Variants in CANX observed in about 807,000 individuals in gnomAD.
CANX encodes the protein epididymis secretory sperm binding protein.
CANX carries 14 observed loss-of-function variants against 75.7 expected under a neutral mutation model. That is an observed-to-expected ratio of 0.19 (90% CI 0.12 to 0.29). The LOEUF (loss-of-function observed/expected upper bound fraction) is 0.29, where lower values mean the gene tolerates loss of function less well. CANX is among the 10% of genes least tolerant of loss of function. The probability of loss-of-function intolerance (pLI) is 1.00; values close to 1 mark genes in which losing one functional copy is unlikely to be tolerated. For synonymous variants in CANX, 227 were observed against 236.9 expected, an observed-to-expected ratio of 0.96 and a Z score of 0.38; for missense variants, 567 against 713.2, an observed-to-expected ratio of 0.79 and a Z score of 2.34.
intron 4 of CANX, among the ~76,000 whole-genome samples, chr5:179,707,583 CAAAAAAAAAA>C (rs1200030925): frequency 1.7e-5 from 1 of 57,322 alleles, no homozygotes; most frequent in South Asian, 7.1e-4. Flanking sequence ...GACTCCGTCT[CAAAAAAAAAA>C]AAAAAAAAAA....
chr5:179,687,903 C>A (rs547409638), intron 1 of CANX, among the ~76,000 whole-genome samples: 1 of 150,322 alleles, frequency 6.7e-6, no homozygotes, highest in Non-Finnish European at 1.5e-5. Flanking sequence ...GGTGTGGTGG[C>A]GCACACCTGT....
intron 7 of CANX, among the ~76,000 whole-genome samples, chr5:179,715,427 A>G (rs1326026307): frequency 6.6e-6 from 1 of 152,146 alleles, no homozygotes; most frequent in Non-Finnish European, 1.5e-5. Context: ...AGTTCCAGCT[A>G]CTGCGGAGGC....
chr5:179,698,568 G>C, upstream of CANX: 1 of 1,289,410 alleles, frequency 7.8e-7, no homozygotes, highest in Non-Finnish European at 1.0e-6. Flanking sequence ...AAGGGCGCGC[G>C]ATGCGTCCCA....
chr5:179,688,554 G>A (rs535133529), intron 1 of CANX, among the ~76,000 whole-genome samples: 46 of 145,960 alleles, frequency 3.2e-4, no homozygotes, highest in Non-Finnish European at 5.4e-4. Flanking sequence ...TAGTAGAGAC[G>A]GGGTCTCACC....
chr5:179,694,658 T>C, upstream of CANX: 1 of 780,398 alleles, frequency 1.3e-6, no homozygotes, highest in Middle Eastern at 2.9e-4. Context: ...ATGTTGCTGA[T>C]TCTAAGTCGA....
rs1445392016 is a variant in CANX, at chr5:179,708,396, G to T, written c.446+16G>T. The T allele has an allele frequency of 3.7e-6, 6 of 1,608,820 alleles. No individual in the cohort carries two copies. In the Admixed American group the frequency reaches 1.0e-4, roughly 27 times the overall value. Reference sequence around the variant, plus strand: ...TCATTGTTCAGTAAGTGAAATGCTTGTTGGATAAAAGCTTTCTGCAAAGGG... The same window carrying T: ...TCATTGTTCAGTAAGTGAAATGCTTTTTGGATAAAAGCTTTCTGCAAAGGG... On this transcript the variant is annotated intron_variant, in intron 5 of 14. Coordinates refer to ENST00000247461, the MANE Select transcript of CANX (RefSeq NM_001746.4).
intron 1 of CANX, chr5:179,679,407 C>G: frequency 1.5e-6 from 1 of 675,718 alleles, no homozygotes; most frequent in Non-Finnish European, 2.4e-6. Context: ...GCCCGTCGTT[C>G]CACGCTGCAC....
chr5:179,706,301 C>T lies in CANX; in HGVS notation c.215C>T (p.Ala72Val), dbSNP rs544838582. The T allele has an allele frequency of 4.4e-6, 7 of 1,599,656 alleles. No individual in the cohort carries two copies. The African/African-American group carries it at 6.7e-5, about 15-fold the overall frequency. The change falls in exon 3 of 15, where the codon GCT (alanine) becomes GTT (valine). Residue 72 changes from alanine (A) to valine (V), a missense_variant. Coordinates refer to ENST00000247461, the MANE Select transcript of CANX (RefSeq NM_001746.4). The part of the protein sequence containing the change: ...APVPTGEVYF[A>V]DSFDRGTLSG... ...GTTCCAACAGGGGAAGTATATTTTG[C>T]TGATTCTTTTGACAGAGGAACTCTG...
In CANX at chr5:179,726,702, T is replaced by C; in HGVS notation, c.1668T>C (p.Ala556=). Residue 556 remains alanine (A), a synonymous_variant, in exon 14 of 15, where the codon GCT becomes GCC. Transcript: ENST00000247461. The part of the protein sequence containing the change: ...EKLEEKQKSD[A]EEDGGTVSQE... The stretch of plus-strand genomic sequence containing the variant: ...TAGAAGAGAAACAGAAAAGTGATGC[T>C]GAAGAAGATGGTGGCACTGTCAGTC... 1.9e-6 allele frequency: 3 copies of C among 1,613,592 alleles called. No homozygotes were observed. Among genetic ancestry groups the C allele is most frequent in the Non-Finnish European group, 2.5e-6 (3 of 1,179,532 alleles).
intron 4 of CANX, among the ~76,000 whole-genome samples, chr5:179,707,894 T>C (rs982564553): frequency 6.6e-6 from 1 of 152,112 alleles, no homozygotes; most frequent in South Asian, 2.1e-4. Context: ...TGGAATAGAG[T>C]GGCGTGATCT....
At chr5:179,684,097 A>G (rs1419054923) in intron 1 of CANX, among the ~76,000 whole-genome samples, 1 of 152,088 alleles carries the variant, frequency 6.6e-6, no homozygotes, top group Non-Finnish European at 1.5e-5. Context: ...TCTTAAGTAA[A>G]CACCTAGGAA....
chr5:179,717,683 G>T (rs985044078), intron 8 of CANX, among the ~76,000 whole-genome samples: 1 of 150,998 alleles, frequency 6.6e-6, no homozygotes, highest in African/African-American at 2.4e-5. Flanking sequence ...GAATGTTCAT[G>T]TACTGGTTTT....
intron 1 of CANX, among the ~76,000 whole-genome samples, chr5:179,686,745 C>T (rs59277839): frequency 0.039 from 5,973 of 152,148 alleles, 156 homozygotes; most frequent in African/African-American, 0.067. Flanking sequence ...GGATTACAGG[C>T]GTGAGCTACC....
chr5:179,706,126 A>T, intron 2 of CANX, 132 bp from the exon 3 acceptor site: 1 of 620,768 alleles, frequency 1.6e-6, no homozygotes, highest in Non-Finnish European at 2.8e-6. Flanking sequence ...GAGGCCAATT[A>T]TATGGGTTGA....
chr5:179,699,008 C>G lies in CANX; in HGVS notation c.-98C>G. 5.4e-6 allele frequency: 6 copies of G among 1,114,230 alleles called. No homozygotes were observed. The highest frequency in any genetic ancestry group is 6.6e-6 in the Non-Finnish European group (6 of 905,728). 69.0% of individuals were successfully genotyped at this position (1,114,230 alleles called of 1,614,324 possible). A position where few individuals can be genotyped will look rare whatever the true frequency, so the allele number is the denominator to read the frequency against. The stretch of plus-strand genomic sequence containing the variant: ...TCTTGGTTCTGCGGCACGTGACGGT[C>G]GGGCCGCCTCCGCCTCTCTCTTTAC... On this transcript the variant is annotated 5_prime_UTR_variant, in exon 1 of 15. Transcript: ENST00000247461.
chr5:179,707,214 T>A, intron 4 of CANX, 24 bp downstream of exon 4: 1 of 1,294,082 alleles, frequency 7.7e-7, no homozygotes, highest in Admixed American at 1.7e-5. Flanking sequence ...TTGGTTTAGA[T>A]ATAATAGCAG....
chr5:179,726,847 G>A, intron 14 of CANX, 88 bp downstream of exon 14: 1 of 929,726 alleles, frequency 1.1e-6, no homozygotes, highest in East Asian at 2.4e-5. Flanking sequence ...GTTTACAGTG[G>A]CTTATGGCAG....
rs751121653 is a variant in CANX, at chr5:179,709,110, T to C, written c.528+51T>C. 6 of 1,134,226 alleles carry C rather than the reference T, an allele frequency of 5.3e-6. No individual in the cohort carries two copies. The African/African-American group carries it at 6.1e-5, about 12-fold the overall frequency. The allele number at this position is 1,134,226 out of a possible 1,614,324, so 70.3% of individuals were successfully genotyped here. A position where few individuals can be genotyped will look rare whatever the true frequency, so the allele number is the denominator to read the frequency against. On this transcript the variant is annotated intron_variant, in intron 6 of 14. Transcript: ENST00000247461. ...TGGCTGGACACCCACTATTACCTTG[T>C]AAGAATTTTGTAATTGGGCCGGGTG...
chr5:179,685,900 A>C (rs1776182329), intron 1 of CANX, among the ~76,000 whole-genome samples: 1 of 151,918 alleles, frequency 6.6e-6, no homozygotes, highest in South Asian at 2.1e-4. Context: ...CATGTTTGCC[A>C]GGCTAGTCTC....
Sources: allele counts gnomAD v4.1 joint callset (sites outside exome capture counted in the v4.1 genomes callset), GRCh38; gene constraint gnomAD v4.1.1; transcripts MANE v1.5; gene names NCBI Gene and HGNC (gene_info 2026-07-23, HGNC 2026-07-21).